Variants in COL23A1 observed in about 807,000 individuals in gnomAD.
COL23A1 encodes collagen type XXIII alpha 1 chain, also known as collagen alpha-1(XXIII) chain.
Under a neutral mutation model 99.3 loss-of-function variants are expected in COL23A1, and 97 were observed. The observed-to-expected ratio is 0.98, with a 90% CI of 0.83 to 1.16. COL23A1 has a LOEUF of 1.16. Ranked by LOEUF, COL23A1 falls within the 50% of genes most tolerant of loss-of-function variation. COL23A1 has a pLI of 0.00. For missense variants in COL23A1, 762 were observed against 757.4 expected (o/e 1.01, Z -0.07); for synonymous variants, 320 against 308.2 (o/e 1.04, Z -0.40).
chr5:178,263,424 A>T (rs1267472017), intron 8 of COL23A1, 100 bp from the exon 9 acceptor site: 3 of 738,288 alleles, frequency 4.1e-6, no homozygotes, highest in Non-Finnish European at 2.2e-6. Flanking sequence ...CCCCTTCCCC[A>T]GCCCTTGGGC....
chr5:178,406,428 CTT>C (rs61274419), intron 2 of COL23A1, among the ~76,000 whole-genome samples: 22 of 142,012 alleles, frequency 1.5e-4, no homozygotes, highest in African/African-American at 2.8e-4. Flanking sequence ...TACCTACACT[CTT>C]TTTTTTTTTT....
At chr5:178,364,902 G>T (rs1437008758) in intron 2 of COL23A1, among the ~76,000 whole-genome samples, 2 of 152,218 alleles carry the variant, frequency 1.3e-5, no homozygotes, top group Non-Finnish European at 2.9e-5. Flanking sequence ...CCTCCAGCAG[G>T]CACAGCCAGC....
intron 2 of COL23A1, among the ~76,000 whole-genome samples, chr5:178,360,666 A>G (rs1394260995): frequency 1.3e-5 from 2 of 152,260 alleles, no homozygotes; most frequent in African/African-American, 2.4e-5. Flanking sequence ...GTCATGAAAC[A>G]TAATATGTTT....
rs1285366511 is a variant in COL23A1, at chr5:178,267,297, T to C, written c.522+10A>G. The C allele has an allele frequency of 1.2e-6, 2 of 1,613,932 alleles. No individual in the cohort carries two copies. The highest frequency in any genetic ancestry group is 1.7e-5 in the Admixed American group (1 of 60,002). On this transcript the variant is annotated intron_variant, in intron 8 of 28. Coordinates refer to ENST00000390654, the MANE Select transcript of COL23A1 (RefSeq NM_173465.4). The stretch of plus-strand genomic sequence containing the variant: ...TGTGGGCAGTGAGGGAGGTCATGCC[T>C]GGTTCTTACCCGGGGGCCAAAGTCT...
intron 2 of COL23A1, among the ~76,000 whole-genome samples, chr5:178,311,403 T>G (rs1248156010): frequency 6.6e-6 from 1 of 152,112 alleles, no homozygotes; most frequent in Non-Finnish European, 1.5e-5. Context: ...GGGTGCTTCT[T>G]TGGGACCCCA....
In COL23A1 at chr5:178,366,945, C is replaced by T. The variant is rs1762516479; in HGVS notation, c.362-60026G>A. Among the ~76,000 whole-genome samples the T allele has an allele frequency of 2.6e-5, 4 of 152,196 alleles. No individual in the cohort carries two copies. The highest frequency in any genetic ancestry group is 7.2e-5 in the African/African-American group (3 of 41,440). On this transcript the variant is annotated intron_variant, in intron 2 of 28. Coordinates refer to ENST00000390654, the MANE Select transcript of COL23A1 (RefSeq NM_173465.4). The surrounding 1 kb of genome is among the most constrained non-coding windows in gnomAD (Gnocchi z 4.4). The stretch of plus-strand genomic sequence containing the variant: ...CACCAGATGGGCTGTGCTTTCTTCA[C>T]CTCTGCATTCCAGGTGTCTCCTACG...
chr5:178,346,066 T>C (rs1158504784), intron 2 of COL23A1, among the ~76,000 whole-genome samples: 1 of 152,100 alleles, frequency 6.6e-6, no homozygotes, highest in Non-Finnish European at 1.5e-5. Flanking sequence ...ATCTATAAAA[T>C]AAACATAAAA....
intron 2 of COL23A1, among the ~76,000 whole-genome samples, chr5:178,389,724 A>G (rs1447217142): frequency 6.6e-6 from 1 of 152,156 alleles, no homozygotes; most frequent in East Asian, 1.9e-4. Flanking sequence ...TTCTTCATTT[A>G]GTGACAGCAG....
At chr5:178,383,487 AG>A (rs1207909556) in intron 2 of COL23A1, among the ~76,000 whole-genome samples, 2 of 152,190 alleles carry the variant, frequency 1.3e-5, no homozygotes, top group African/African-American at 4.8e-5. Flanking sequence ...GTTAGCTCTA[AG>A]GTCTCTGCCA....
rs1439176862 is a variant in COL23A1 at position 178,269,808 on chromosome 5, C to CATCCATCT, written c.468+528_468+529insAGATGGAT. On this transcript the variant is annotated intron_variant, in intron 6 of 28. Coordinates refer to ENST00000390654, the MANE Select transcript of COL23A1 (RefSeq NM_173465.4). ...TCTATCCAGTCAGCATCCATCCATC[C>CATCCATCT]ATCCATCCATCCATCTATATATCTA... 5.9e-5 allele frequency among the ~76,000 whole-genome samples: 9 copies of CATCCATCT among 152,038 alleles called. No homozygotes were observed. In the East Asian group the frequency reaches 1.7e-3, roughly 30 times the overall value.
intron 2 of COL23A1, among the ~76,000 whole-genome samples, chr5:178,467,423 C>T (rs1756479077): frequency 6.6e-6 from 1 of 152,210 alleles, no homozygotes; most frequent in African/African-American, 2.4e-5. Flanking sequence ...CAGGGTGACC[C>T]TACCCCACTC....
chr5:178,446,902 T>C (rs897633101), intron 2 of COL23A1, among the ~76,000 whole-genome samples: 8 of 152,116 alleles, frequency 5.3e-5, no homozygotes, highest in Non-Finnish European at 1.2e-4. Context: ...CCTTAACAGG[T>C]TGAGAGAAAA....
rs1286545547 is a variant in COL23A1 at position 178,415,617 on chromosome 5, C to T, written c.362-108698G>A. 2.6e-5 allele frequency among the ~76,000 whole-genome samples: 4 copies of T among 152,202 alleles called. No homozygotes were observed. The highest frequency in any genetic ancestry group is 5.9e-5 in the Non-Finnish European group (4 of 68,032). On this transcript the variant is annotated intron_variant, in intron 2 of 28. Transcript: ENST00000390654. This position sits in a 1 kb window ranked among gnomAD's most constrained non-coding sequence, Gnocchi z 4.6. ...CTGGCACCAGAGGACAGTGCTGCCC[C>T]CATCCCGCCCTGGCTCCATGAGGGC...
In COL23A1 at chr5:178,475,816, C is replaced by T. The variant is rs551749995; in HGVS notation, c.361+84866G>A. On this transcript the variant is annotated intron_variant, in intron 2 of 28. Transcript: ENST00000390654. ...AGTTGTTGGACATATGCCCCCTTTTCTTGCTTGTTGGCTGGGGGCCACTCA... is the reference window on the plus strand; with the variant it reads ...AGTTGTTGGACATATGCCCCCTTTTTTTGCTTGTTGGCTGGGGGCCACTCA... Among the ~76,000 whole-genome samples, 119 of 152,294 alleles carry T rather than the reference C, an allele frequency of 7.8e-4. 5 individuals carry two copies. The South Asian group carries it at 0.023, about 30-fold the overall frequency.
chr5:178,326,318 G>A (rs1371923648), intron 2 of COL23A1, among the ~76,000 whole-genome samples: 1 of 151,940 alleles, frequency 6.6e-6, no homozygotes, highest in East Asian at 1.9e-4. Context: ...ACACAGCTCT[G>A]ACTGAAGCAC....
At chr5:178,393,896 G>C (rs1268735963) in intron 2 of COL23A1, among the ~76,000 whole-genome samples, 2 of 152,094 alleles carry the variant, frequency 1.3e-5, no homozygotes, top group Non-Finnish European at 2.9e-5. Flanking sequence ...CAAAGTGCTG[G>C]GATTATAGGT....
chr5:178,589,929 G>C lies in COL23A1; in HGVS notation c.269C>G (p.Pro90Arg). 7.6e-7 allele frequency: 1 copy of C among 1,322,358 alleles called. No homozygotes were observed. Among genetic ancestry groups the C allele is most frequent in the Non-Finnish European group, 9.6e-7 (1 of 1,042,658 alleles). 81.9% of individuals were successfully genotyped at this position (1,322,358 alleles called of 1,614,324 possible). A position where few individuals can be genotyped will look rare whatever the true frequency, so the allele number is the denominator to read the frequency against. The change falls in exon 1 of 29, where the codon CCG becomes CGG. Residue 90 changes from proline (P) to arginine (R), a missense_variant. By Grantham distance (103) the Pro-to-Arg change is moderately radical (BLOSUM62 -2). Transcript: ENST00000390654. The surrounding 1 kb of genome is among the most constrained non-coding windows in gnomAD (Gnocchi z 5.4). ...PPGALDAWAE[P>R]HLERLLREKL... The stretch of plus-strand genomic sequence containing the variant: ...CTCCCGCAGCAGGCGCTCCAGGTGC[G>C]GCTCGGCCCAGGCGTCCAGGGCGCC...
At chr5:178,245,142 CTAT>C (rs1266338172) in intron 25 of COL23A1, among the ~76,000 whole-genome samples, 133 of 149,452 alleles carry the variant, frequency 8.9e-4, no homozygotes, top group African/African-American at 2.9e-3. Context: ...CACTCATCAT[CTAT>C]CATCCATCCA....
chr5:178,285,003 A>C (rs1199109950), intron 5 of COL23A1, among the ~76,000 whole-genome samples: 3 of 152,214 alleles, frequency 2.0e-5, no homozygotes, highest in Admixed American at 1.3e-4. Context: ...TTTTACAATA[A>C]ACATGCTTTT....
Sources: gnomAD v4.1 joint callset for allele counts (sites outside exome capture counted in the v4.1 genomes callset) on GRCh38, gnomAD v4.1.1 for gene constraint, Gnocchi (gnomAD v3.1) non-coding constraint, MANE v1.5 for transcripts, NCBI Gene and HGNC (gene_info 2026-07-23, HGNC 2026-07-21) for gene names.